RAD52: variants seen among roughly 807,000 people sequenced by gnomAD.
RAD52 encodes the protein RAD52 DNA repair protein, also known as DNA repair protein RAD52 homolog.
A neutral mutation model predicts 55.5 loss-of-function variants in RAD52; 47 were observed. The observed-to-expected ratio is 0.85, with a 90% confidence interval of 0.67 to 1.08. RAD52 has a LOEUF of 1.08. Among genes scored for constraint, RAD52 ranks in the 50% least tolerant of loss-of-function variants. RAD52 has a pLI of 0.00. For missense variants in RAD52, 468 were observed against 522.8 expected, an observed-to-expected ratio of 0.90 and a Z score of 1.02; for synonymous variants, 184 against 198.9, an observed-to-expected ratio of 0.92 and a Z score of 0.63.
chr12:929,950 T>C, intron 4 of RAD52, 64 bp from the exon 5 acceptor site: 1 of 1,571,620 alleles, frequency 6.4e-7, no homozygotes, highest in Non-Finnish European at 8.8e-7. Flanking sequence ...CCATTCCTCC[T>C]GCTGGCAGCT....
At chr12:985,938 CTTTTT>C in intron 1 of RAD52, among the ~76,000 whole-genome samples, 1 of 138,264 alleles carries the variant, frequency 7.2e-6, no homozygotes, top group Middle Eastern at 3.9e-3. Flanking sequence ...CGCACCTGGC[CTTTTT>C]TTTTTTTTGA....
intron 1 of RAD52, among the ~76,000 whole-genome samples, chr12:982,656 C>CTTT (rs34866890): frequency 0.085 from 7,300 of 86,242 alleles, 963 homozygotes; most frequent in Non-Finnish European, 0.11. Flanking sequence ...ACAATCTAGA[C>CTTT]TTTTTTTTTT....
intron 7 of RAD52, among the ~76,000 whole-genome samples, chr12:921,815 A>G (rs1463789934): frequency 6.6e-6 from 1 of 152,074 alleles, no homozygotes; most frequent in Non-Finnish European, 1.5e-5. Context: ...AGCATATGAA[A>G]ATATGGTTGG....
chr12:982,233 T>C (rs929752761), intron 1 of RAD52, among the ~76,000 whole-genome samples: 6 of 152,210 alleles, frequency 3.9e-5, no homozygotes, highest in African/African-American at 1.4e-4. Flanking sequence ...AAGATGACAG[T>C]GTTTATGCTG....
chr12:957,031 C>A (rs1958616165), intron 1 of RAD52, among the ~76,000 whole-genome samples: 3 of 152,116 alleles, frequency 2.0e-5, no homozygotes, highest in African/African-American at 7.2e-5. Context: ...AATGAACCCA[C>A]CTGATAAAAG....
intron 1 of RAD52, among the ~76,000 whole-genome samples, chr12:982,698 T>C (rs937013743): frequency 6.7e-6 from 1 of 148,560 alleles, no homozygotes. Flanking sequence ...CAGGGTCTTG[T>C]TCTGTCACAT....
intron 1 of RAD52, among the ~76,000 whole-genome samples, chr12:971,983 C>G (rs575249695): frequency 6.6e-6 from 1 of 152,208 alleles, no homozygotes; most frequent in South Asian, 2.1e-4. Flanking sequence ...CTCCTGACCT[C>G]GTGATCCGCC....
chr12:988,450 G>A (rs2154122344), intron 1 of RAD52, among the ~76,000 whole-genome samples: 1 of 152,282 alleles, frequency 6.6e-6, no homozygotes, highest in Non-Finnish European at 1.5e-5. Context: ...GAGGCAGTTG[G>A]AATGCTGATG....
At chr12:976,345 C>T (rs904311067) in intron 1 of RAD52, 1 of 152,240 alleles carries the variant, frequency 6.6e-6, no homozygotes, top group Admixed American at 6.6e-5. Flanking sequence ...AACTCTTTGA[C>T]ATACTTCCCA....
intron 10 of RAD52, 24 bp from the exon 11 acceptor site, chr12:914,145 G>A (rs55727430): frequency 3.5e-5 from 56 of 1,582,664 alleles, no homozygotes; most frequent in Middle Eastern, 1.7e-4. Context: ...GGAAAAGTGC[G>A]TCATCAGCAA....
chr12:935,352 A>C (rs1957556282), intron 1 of RAD52, among the ~76,000 whole-genome samples: 1 of 151,358 alleles, frequency 6.6e-6, no homozygotes, highest in South Asian at 2.1e-4. Context: ...CACTTCCTTA[A>C]CCAGCAGCAT....
At chr12:977,670 A>G (rs1958952059) in intron 1 of RAD52, among the ~76,000 whole-genome samples, 1 of 152,196 alleles carries the variant, frequency 6.6e-6, no homozygotes, top group Non-Finnish European at 1.5e-5. Flanking sequence ...CGGGGAAGTG[A>G]GACAGGGAAA....
chr12:913,158 G>C lies in RAD52; in HGVS notation c.*233C>G, dbSNP rs1278596586. On this transcript the variant is annotated 3_prime_UTR_variant, in exon 12 of 12. Transcript: ENST00000358495. The stretch of plus-strand genomic sequence containing the variant: ...GGGAAGCCTCACAAGCCGAAGAAAA[G>C]GTATTCATCTGTCCAGAGCCTCTCC... 3 of 438,940 alleles carry C rather than the reference G, an allele frequency of 6.8e-6. No homozygotes were observed. The South Asian group carries it at 1.6e-4, about 24-fold the overall frequency. The allele number at this position is 438,940 out of a possible 1,614,324, so 27.2% of individuals were successfully genotyped here. A position where few individuals can be genotyped will look rare whatever the true frequency, so the allele number is the denominator to read the frequency against.
chr12:933,286 C>A (rs1025652688), intron 1 of RAD52, among the ~76,000 whole-genome samples: 3 of 151,844 alleles, frequency 2.0e-5, no homozygotes, highest in Middle Eastern at 3.4e-3. Context: ...GTGAAACCCC[C>A]TCTCTACTAA....
At chr12:926,320 C>T (rs978197006) in intron 6 of RAD52, among the ~76,000 whole-genome samples, 1 of 133,704 alleles carries the variant, frequency 7.5e-6, no homozygotes, top group Non-Finnish European at 1.6e-5. Context: ...AAAGGGAGAC[C>T]CTGTCTCTCC....
chr12:932,952 C>T (rs372075636), intron 2 of RAD52, 23 bp downstream of exon 2: 20 of 1,611,854 alleles, frequency 1.2e-5, no homozygotes, highest in African/African-American at 9.3e-5. Context: ...CATTCTTTCC[C>T]GGCATGAAGG....
chr12:985,290 G>T (rs771668520), intron 1 of RAD52, among the ~76,000 whole-genome samples: 1 of 152,134 alleles, frequency 6.6e-6, no homozygotes, highest in Non-Finnish European at 1.5e-5. Flanking sequence ...ATGGGTGCAT[G>T]CCAACACACC....
upstream of RAD52, chr12:990,679 A>G (rs1959173081): frequency 6.6e-6 from 1 of 152,250 alleles, no homozygotes; most frequent in African/African-American, 2.4e-5. Flanking sequence ...CTAAGGGGCA[A>G]AAAACCAGCT....
At chr12:951,240 G>A (rs1276776169), upstream of RAD52, among the ~76,000 whole-genome samples, 4 of 152,160 alleles carry the variant, frequency 2.6e-5, no homozygotes, top group East Asian at 7.7e-4. Flanking sequence ...AGCTTCCCAG[G>A]TAGCTGGGAC....
Sources: allele counts gnomAD v4.1 joint callset (sites outside exome capture counted in the v4.1 genomes callset), GRCh38; gene constraint gnomAD v4.1.1; transcripts MANE v1.5; gene names NCBI Gene and HGNC (gene_info 2026-07-23, HGNC 2026-07-21).